FARP1: variants seen among roughly 807,000 people sequenced by gnomAD.
FARP1 encodes FERM, ARHGEF and pleckstrin domain-containing protein 1.
A neutral mutation model predicts 128.8 loss-of-function variants in FARP1; 52 were observed. The observed-to-expected ratio is 0.40, with a 90% CI of 0.32 to 0.51. FARP1 has a LOEUF of 0.51. Among genes scored for constraint, FARP1 ranks in the 20% least tolerant of loss-of-function variants. The pLI, the probability that FARP1 is intolerant of heterozygous loss-of-function variation, is 0.45. For synonymous variants in FARP1, 580 were observed against 551.8 expected, an observed-to-expected ratio of 1.05 and a Z score of -0.72; for missense variants, 1,333 against 1,367.9, an observed-to-expected ratio of 0.97 and a Z score of 0.40.
At chr13:98,277,667 T>G (rs1293437454) in intron 2 of FARP1, among the ~76,000 whole-genome samples, 1 of 152,182 alleles carries the variant, frequency 6.6e-6, no homozygotes, top group African/African-American at 2.4e-5. Flanking sequence ...GAGCACTGTT[T>G]AGAGTCAGCC....
Position 98,146,945 on chromosome 13 carries a change from C to T in FARP1, c.-24+3453C>T, listed in dbSNP as rs531912076. ...CACAGTCCTTTCTCTCTGTTTCACC[C>T]ATGGCAACTTAGGTAGGCTGTTACC... is the stretch of plus-strand genomic sequence containing the variant. On this transcript the variant is annotated intron_variant, in intron 1 of 26. Transcript: ENST00000319562. Among the ~76,000 whole-genome samples, 13 of 152,298 alleles carry T rather than the reference C, an allele frequency of 8.5e-5. No individual in the cohort carries two copies. In the East Asian group the frequency reaches 2.3e-3, roughly 27 times the overall value.
At chr13:98,383,357 G>A (rs1327598493) in intron 6 of FARP1, among the ~76,000 whole-genome samples, 1 of 152,226 alleles carries the variant, frequency 6.6e-6, no homozygotes, top group Non-Finnish European at 1.5e-5. Context: ...AAGGCAATTA[G>A]GAAATAGTGT....
intron 2 of FARP1, among the ~76,000 whole-genome samples, chr13:98,326,615 A>G (rs768384737): frequency 6.6e-6 from 1 of 152,234 alleles, no homozygotes; most frequent in Non-Finnish European, 1.5e-5. Context: ...AGGAGAGAAC[A>G]ATATGTAATT....
chr13:98,446,509 G>A (rs1399311302), intron 25 of FARP1, 157 bp from the exon 26 acceptor site: 52 of 731,004 alleles, frequency 7.1e-5, no homozygotes, highest in South Asian at 4.1e-4. Flanking sequence ...GGGCCATCAC[G>A]TACAGGCAAA....
At chr13:98,242,230 C>G (rs1258204624) in intron 2 of FARP1, among the ~76,000 whole-genome samples, 1 of 152,166 alleles carries the variant, frequency 6.6e-6, no homozygotes, top group Non-Finnish European at 1.5e-5. Context: ...GTAGCGTACT[C>G]CCCCTCCCTC....
chr13:98,222,231 G>T (rs1881452886), intron 2 of FARP1, among the ~76,000 whole-genome samples: 1 of 152,136 alleles, frequency 6.6e-6, no homozygotes, highest in South Asian at 2.1e-4. Context: ...ATGTGGTCTT[G>T]GAAACATGAT....
intron 23 of FARP1, 40 bp downstream of exon 23, chr13:98,440,275 G>T: frequency 7.0e-7 from 1 of 1,425,562 alleles, no homozygotes; most frequent in Non-Finnish European, 9.9e-7. Flanking sequence ...CAGGGGTCTG[G>T]TTCATGGAGG....
At chr13:98,197,782 C>A (rs183589241) in intron 1 of FARP1, among the ~76,000 whole-genome samples, 1 of 151,934 alleles carries the variant, frequency 6.6e-6, no homozygotes, top group East Asian at 2.0e-4. Flanking sequence ...CTACAGGCAC[C>A]CGCCACCACG....
intron 1 of FARP1, among the ~76,000 whole-genome samples, chr13:98,206,140 C>G (rs1047285631): frequency 2.0e-5 from 3 of 150,812 alleles, no homozygotes; most frequent in Admixed American, 1.3e-4. Flanking sequence ...CAGACAGAGC[C>G]GTGTTCCATA....
chr13:98,391,445 A>G (rs1890301832), intron 11 of FARP1, among the ~76,000 whole-genome samples: 1 of 151,988 alleles, frequency 6.6e-6, no homozygotes, highest in Non-Finnish European at 1.5e-5. Context: ...CTCCCAGCTA[A>G]ATTTTTGTAG....
intron 1 of FARP1, among the ~76,000 whole-genome samples, chr13:98,153,330 A>ATATTT (rs71120310): frequency 0.16 from 20,815 of 130,158 alleles, 2,366 homozygotes; most frequent in Middle Eastern, 0.26. Context: ...TAAATAATAT[A>ATATTT]ATATATAAAA....
In FARP1 at chr13:98,440,728, G is replaced by A. The variant is rs368496686; in HGVS notation, c.2688G>A (p.Ser896=). ...DQESEDDLSA[S]RTSLERQAPH... is the part of the protein sequence containing the mutation. The stretch of plus-strand genomic sequence containing the variant: ...AGTCAGAGGATGACCTGAGCGCCTC[G>A]CGCACATCGCTGGAGCGCCAGGCCC... The change falls in exon 24 of 27, where the codon TCG becomes TCA. Residue 896 remains serine, a synonymous_variant. Coordinates refer to ENST00000319562, the MANE Select transcript of FARP1 (RefSeq NM_005766.4). 175 of 1,613,372 alleles carry A rather than the reference G, an allele frequency of 1.1e-4. No individual in the cohort carries two copies. Among genetic ancestry groups the A allele is most frequent in the Middle Eastern group, 3.3e-4 (2 of 6,082 alleles).
At chr13:98,246,521 T>A (rs1883076211) in intron 2 of FARP1, among the ~76,000 whole-genome samples, 1 of 152,164 alleles carries the variant, frequency 6.6e-6, no homozygotes, top group African/African-American at 2.4e-5. Flanking sequence ...GTTTTCATTG[T>A]TAGAGTCTCA....
At chr13:98,233,138 A>G (rs938402350) in intron 2 of FARP1, among the ~76,000 whole-genome samples, 5 of 152,140 alleles carry the variant, frequency 3.3e-5, no homozygotes, top group African/African-American at 1.2e-4. Context: ...CACTTTTTCC[A>G]TTTGTATAGA....
At chr13:98,413,771 G>T (rs1230475674) in intron 16 of FARP1, among the ~76,000 whole-genome samples, 1 of 152,214 alleles carries the variant, frequency 6.6e-6, no homozygotes, top group Non-Finnish European at 1.5e-5. Context: ...GTTGAATGAT[G>T]CTCTCATAAT....
rs372818544 is a variant in FARP1, at chr13:98,300,249, C to T, written c.172-43513C>T. ...CCATGCTGCCTTATGGGGTTGGCCTCGAGTAGTGTGGGGACGACAGGCTTT... is the reference window on the plus strand; with the variant it reads ...CCATGCTGCCTTATGGGGTTGGCCTTGAGTAGTGTGGGGACGACAGGCTTT... On this transcript the variant is annotated intron_variant, in intron 2 of 26. Transcript: ENST00000319562. 3.2e-4 allele frequency among the ~76,000 whole-genome samples: 49 copies of T among 152,270 alleles called. No individual in the cohort carries two copies. In the East Asian group the frequency reaches 4.0e-3, roughly 13 times the overall value.
At chr13:98,169,589 T>G (rs1282240416) in intron 1 of FARP1, among the ~76,000 whole-genome samples, 1 of 152,184 alleles carries the variant, frequency 6.6e-6, no homozygotes, top group Non-Finnish European at 1.5e-5. Context: ...CAAGAAACTT[T>G]AAGGCATGCT....
Position 98,172,073 on chromosome 13 carries a change from C to T in FARP1, c.-24+28581C>T, listed in dbSNP as rs145941231. On this transcript the variant is annotated intron_variant, in intron 1 of 26. Coordinates refer to ENST00000319562, the MANE Select transcript of FARP1 (RefSeq NM_005766.4). The stretch of plus-strand genomic sequence containing the variant: ...GATGGTAACAAAGAGAAGATGTCAC[C>T]GATAATGCAGGGCCATGGAAATCCG... Among the ~76,000 whole-genome samples, 277 of 152,104 alleles carry T rather than the reference C, an allele frequency of 1.8e-3. 1 individual carries two copies. Among genetic ancestry groups the T allele is most frequent in the African/African-American group, 6.5e-3 (268 of 41,478 alleles).
chr13:98,347,268 G>A (rs1015502978), intron 3 of FARP1, among the ~76,000 whole-genome samples: 2 of 151,776 alleles, frequency 1.3e-5, no homozygotes, highest in African/African-American at 4.9e-5. Flanking sequence ...TTTTAATTGT[G>A]GTCAAAAACA....
Sources: allele counts gnomAD v4.1 joint callset (sites outside exome capture counted in the v4.1 genomes callset), GRCh38; gene constraint gnomAD v4.1.1; transcripts MANE v1.5; gene names NCBI Gene and HGNC (gene_info 2026-07-23, HGNC 2026-07-21).